Variants in SSBP3 observed in about 807,000 individuals in gnomAD.
SSBP3 encodes the protein single-stranded DNA-binding protein 3.
A neutral mutation model predicts 69.6 loss-of-function variants in SSBP3; 5 were observed. The ratio of observed to expected loss-of-function variants is 0.07; its 90% confidence interval spans 0.04 to 0.15. SSBP3 has a LOEUF of 0.15. Ranked by LOEUF, SSBP3 falls within the 10% of genes least tolerant of loss-of-function variation. The pLI is 1.00. For synonymous variants in SSBP3, 196 were observed against 193.4 expected, an observed-to-expected ratio of 1.01 and a Z score of -0.11; for missense variants, 312 against 534.0, an observed-to-expected ratio of 0.58 and a Z score of 4.10.
intron 10 of SSBP3, 64 bp from the exon 11 acceptor site, chr1:54,242,276 C>G: frequency 6.3e-7 from 1 of 1,584,886 alleles, no homozygotes; most frequent in Non-Finnish European, 8.7e-7. Flanking sequence ...GCGGTGGAGG[C>G]AGCAGGGGCA....
rs546802528 is a variant in SSBP3, at chr1:54,326,073, G to A, written c.277-44546C>T. Among the ~76,000 whole-genome samples, 7 of 152,214 alleles carry A rather than the reference G, an allele frequency of 4.6e-5. No individual in the cohort carries two copies. In the East Asian group the frequency reaches 1.4e-3, roughly 29 times the overall value. On this transcript the variant is annotated intron_variant, in intron 4 of 17. Transcript: ENST00000610401. Reference sequence around the variant, plus strand: ...CAGGTTCCTTTTAGCAGGGATGGCGGTGCTGATGGCAGCAGCAGCCGCAGC... The same window carrying A: ...CAGGTTCCTTTTAGCAGGGATGGCGATGCTGATGGCAGCAGCAGCCGCAGC...
chr1:54,301,663 C>CT (rs1194070430), intron 4 of SSBP3, among the ~76,000 whole-genome samples: 1 of 152,256 alleles, frequency 6.6e-6, no homozygotes, highest in Non-Finnish European at 1.5e-5. Context: ...AAAACACACA[C>CT]AACAGTAAGC....
chr1:54,326,052 T>C (rs1489783604), intron 4 of SSBP3, among the ~76,000 whole-genome samples: 2 of 144,972 alleles, frequency 1.4e-5, no homozygotes, highest in Admixed American at 7.2e-5. Context: ...TAGGAGCAGG[T>C]TCCTTTTAGC....
At chr1:54,240,937 G>A in exon 13 of SSBP3, 1 of 1,611,474 alleles carries the variant, frequency 6.2e-7, no homozygotes, top group Non-Finnish European at 8.5e-7. Flanking sequence ...TGTTCCTGGA[G>A]GACCGCCACC....
chr1:54,253,965 C>T (rs1352127393), intron 7 of SSBP3, among the ~76,000 whole-genome samples: 1 of 152,242 alleles, frequency 6.6e-6, no homozygotes, highest in African/African-American at 2.4e-5. Context: ...CAGAGGGGAC[C>T]TGGAGGTCGC....
chr1:54,249,345 T>C (rs1383925433), intron 9 of SSBP3, among the ~76,000 whole-genome samples: 1 of 152,156 alleles, frequency 6.6e-6, no homozygotes, highest in Non-Finnish European at 1.5e-5. Context: ...GTCCCTAAAG[T>C]TGGAAAACAC....
chr1:54,381,530 G>C (rs1647654382), intron 4 of SSBP3, among the ~76,000 whole-genome samples: 1 of 151,382 alleles, frequency 6.6e-6, no homozygotes, highest in African/African-American at 2.4e-5. Flanking sequence ...GGACATTTTT[G>C]TTTCAGCTAC....
chr1:54,306,583 A>T (rs965347864), intron 4 of SSBP3, among the ~76,000 whole-genome samples: 2 of 152,208 alleles, frequency 1.3e-5, no homozygotes, highest in African/African-American at 4.8e-5. Flanking sequence ...AGGAGCTGCC[A>T]CTGGTATTAT....
chr1:54,377,636 G>A (rs1557577193), intron 4 of SSBP3, among the ~76,000 whole-genome samples: 1 of 152,164 alleles, frequency 6.6e-6, no homozygotes, highest in Non-Finnish European at 1.5e-5. Context: ...TTTTTACAAA[G>A]CCACTGTTTA....
At chr1:54,407,223 A>G (rs1463661832), upstream of SSBP3, among the ~76,000 whole-genome samples, 1 of 152,064 alleles carries the variant, frequency 6.6e-6, no homozygotes, top group Non-Finnish European at 1.5e-5. Flanking sequence ...CAAATTTCCA[A>G]GGTTTGCCAG....
chr1:54,302,734 G>A (rs1029917632), intron 4 of SSBP3, among the ~76,000 whole-genome samples: 3 of 152,194 alleles, frequency 2.0e-5, no homozygotes, highest in African/African-American at 7.2e-5. Flanking sequence ...ATATCAACCA[G>A]TGGAGGAATC....
At chr1:54,363,841 C>T (rs1414518009) in intron 4 of SSBP3, among the ~76,000 whole-genome samples, 2 of 152,216 alleles carry the variant, frequency 1.3e-5, no homozygotes, top group African/African-American at 4.8e-5. Flanking sequence ...AATCTTACAA[C>T]TCTTCAGGAA....
chr1:54,228,153 G>A (rs751443452), intron 17 of SSBP3, 102 bp downstream of exon 17: 3 of 1,083,564 alleles, frequency 2.8e-6, no homozygotes, highest in African/African-American at 1.6e-5. Context: ...ACGGCCACCA[G>A]CTTAGCTGGC....
chr1:54,225,596 C>T (rs954451832), exon 18 of SSBP3: 1 of 425,116 alleles, frequency 2.4e-6, no homozygotes, highest in Admixed American at 4.7e-5. Flanking sequence ...CGCACAAAGT[C>T]TTTTTTCAGG....
chr1:54,250,129 G>A (rs1221945780), intron 9 of SSBP3, among the ~76,000 whole-genome samples: 1 of 152,240 alleles, frequency 6.6e-6, no homozygotes, highest in Non-Finnish European at 1.5e-5. Flanking sequence ...CCCTGCAGAG[G>A]TCAGCTCCAG....
intron 13 of SSBP3, among the ~76,000 whole-genome samples, chr1:54,240,079 TGTGTGTGTGCGC>T (rs1398348486): frequency 0.13 from 4,299 of 32,670 alleles, 96 homozygotes; most frequent in African/African-American, 0.16. Context: ...TGTGTGTGTG[TGTGTGTGTGCGC>T]GCGCGCGCGT....
upstream of SSBP3, among the ~76,000 whole-genome samples, chr1:54,408,185 A>G (rs539504908): frequency 3.9e-5 from 6 of 152,288 alleles, no homozygotes; most frequent in South Asian, 1.0e-3. Context: ...GCTGAGACCT[A>G]GTTTATGGGC....
rs553462138 is a variant in SSBP3 at position 54,313,396 on chromosome 1, AG to A, written c.277-31870del. ...CTCAAGGCTTCCCTGCTCCTCAGCC[AG>A]GAACTAGGGGGGCTCACACCGAAGC... On this transcript the variant is annotated intron_variant, in intron 4 of 17. Coordinates refer to ENST00000610401, the Ensembl canonical transcript of SSBP3. Among the ~76,000 whole-genome samples the A allele has an allele frequency of 2.5e-3, 374 of 147,930 alleles. 3 individuals carry two copies. The highest frequency in any genetic ancestry group is 9.0e-3 in the African/African-American group (359 of 39,906).
At chr1:54,242,311 A>G in intron 10 of SSBP3, 99 bp from the exon 11 acceptor site, 1 of 1,416,032 alleles carries the variant, frequency 7.1e-7, no homozygotes, top group East Asian at 2.3e-5. Context: ...AAATCACAAC[A>G]GGAAGTCCTT....
Sources: allele counts gnomAD v4.1 joint callset (sites outside exome capture counted in the v4.1 genomes callset), GRCh38; gene constraint gnomAD v4.1.1; transcripts MANE v1.5; gene names NCBI Gene and HGNC (gene_info 2026-07-23, HGNC 2026-07-21).